Variants in SLC6A5 observed in about 807,000 individuals in gnomAD.
SLC6A5 encodes the protein solute carrier family 6 member 5.
A neutral mutation model predicts 90.5 loss-of-function variants in SLC6A5; 58 were observed. The ratio of observed to expected loss-of-function variants is 0.64; its 90% CI spans 0.52 to 0.80. SLC6A5 has a LOEUF of 0.80. SLC6A5 is among the 30% of genes least tolerant of loss of function. SLC6A5 has a pLI of 0.00. For synonymous variants in SLC6A5, 427 were observed against 401.4 expected, an observed-to-expected ratio of 1.06 and a Z score of -0.76; for missense variants, 1,015 against 1,017.6, an observed-to-expected ratio of 1.00 and a Z score of 0.03.
chr11:20,640,482 A>G (rs532614295), intron 13 of SLC6A5, among the ~76,000 whole-genome samples: 1 of 152,218 alleles, frequency 6.6e-6, no homozygotes, highest in African/African-American at 2.4e-5. Flanking sequence ...GGGCTATGTT[A>G]ATTTTCCTTG....
In SLC6A5 at chr11:20,656,637, T is replaced by C. The variant is rs1395910061; in HGVS notation, c.*1769T>C. On this transcript the variant is annotated 3_prime_UTR_variant, in exon 16 of 16. Coordinates refer to ENST00000525748, the MANE Select transcript of SLC6A5 (RefSeq NM_004211.5). Reference sequence around the variant, plus strand: ...TGAACTTCCAGTTTTTAAGAGTAGCTTGTGAAAGGTTTTAGAAAAGGAAAC... The same window carrying C: ...TGAACTTCCAGTTTTTAAGAGTAGCCTGTGAAAGGTTTTAGAAAAGGAAAC... 2 of 152,210 alleles carry C rather than the reference T, an allele frequency of 1.3e-5. No individual in the cohort carries two copies. The highest frequency in any genetic ancestry group is 4.8e-5 in the African/African-American group (2 of 41,440). 9.4% of individuals were successfully genotyped at this position (152,210 alleles called of 1,614,324 possible).
chr11:20,632,063 T>TA (rs999183291), intron 10 of SLC6A5, among the ~76,000 whole-genome samples: 1 of 152,088 alleles, frequency 6.6e-6, no homozygotes, highest in African/African-American at 2.4e-5. Context: ...CCCCAGGAGA[T>TA]AAGCAATGGC....
intron 1 of SLC6A5, among the ~76,000 whole-genome samples, chr11:20,600,363 GAA>G (rs1852439811): frequency 6.8e-6 from 1 of 146,886 alleles, no homozygotes; most frequent in Non-Finnish European, 1.5e-5. Flanking sequence ...AGAAGAAGAA[GAA>G]GAAGAAGAAG....
chr11:20,603,936 G>T (rs985605018), intron 2 of SLC6A5, among the ~76,000 whole-genome samples: 7 of 152,044 alleles, frequency 4.6e-5, no homozygotes, highest in African/African-American at 1.7e-4. Flanking sequence ...GGGATGGAGG[G>T]ACCTGCTTGC....
chr11:20,619,058 A>G (rs1436503396), intron 7 of SLC6A5, among the ~76,000 whole-genome samples: 1 of 152,154 alleles, frequency 6.6e-6, no homozygotes, highest in Non-Finnish European at 1.5e-5. Flanking sequence ...AGGTATTTGC[A>G]TGTTTTAGGA....
chr11:20,654,015 T>A (rs548915854), intron 15 of SLC6A5, among the ~76,000 whole-genome samples: 1 of 152,226 alleles, frequency 6.6e-6, no homozygotes, highest in African/African-American at 2.4e-5. Flanking sequence ...GTCAGAAATA[T>A]GTTTTCTTTC....
chr11:20,611,858 G>C (rs961131878), intron 5 of SLC6A5, among the ~76,000 whole-genome samples: 3 of 152,064 alleles, frequency 2.0e-5, no homozygotes, highest in Admixed American at 1.3e-4. Flanking sequence ...ACATGAGCGT[G>C]TTCTGTTCCT....
At chr11:20,617,334 A>C in intron 6 of SLC6A5, among the ~76,000 whole-genome samples, 1 of 152,374 alleles carries the variant, frequency 6.6e-6, no homozygotes. Context: ...TTAAAATTAA[A>C]ATCACACAAA....
Position 20,657,350 on chromosome 11 carries a change from A to C in SLC6A5, c.*2482A>C, listed in dbSNP as rs1853649884. 6.6e-6 allele frequency: 1 copy of C among 152,100 alleles called. No individual in the cohort carries two copies. Among genetic ancestry groups the C allele is most frequent in the South Asian group, 2.1e-4 (1 of 4,826 alleles). 9.4% of individuals were successfully genotyped at this position (152,100 alleles called of 1,614,324 possible). ...GGCATTTACATTTGTGTTAATTATG[A>C]TTTGTCCAGGTAAGATGCAGTAGCT... is the stretch of plus-strand genomic sequence containing the variant. On this transcript the variant is annotated 3_prime_UTR_variant, in exon 16 of 16. Coordinates refer to ENST00000525748, the MANE Select transcript of SLC6A5 (RefSeq NM_004211.5).
chr11:20,628,018 A>G lies in SLC6A5; in HGVS notation c.1434A>G (p.Leu478=). Residue 478 remains leucine, a synonymous_variant, in exon 9 of 16, where the codon TTA becomes TTG. Transcript: ENST00000525748. The stretch of plus-strand genomic sequence containing the variant: ...CTGCCACTCAGATTTTCTTCTCTTT[A>G]TCTGCTGCATGGGGAGGCCTGATCA... ...KDAATQIFFS[L]SAAWGGLITL... 1 of 1,614,014 alleles carries G rather than the reference A, an allele frequency of 6.2e-7. No individual in the cohort carries two copies. Among genetic ancestry groups the G allele is most frequent in the Non-Finnish European group, 8.5e-7 (1 of 1,179,992 alleles).
At chr11:20,637,069 TA>T in intron 11 of SLC6A5, 102 bp from the exon 12 acceptor site, 1 of 1,286,422 alleles carries the variant, frequency 7.8e-7, no homozygotes. Context: ...AAACCAAACC[TA>T]ACACAAATAC....
Position 20,657,042 on chromosome 11 carries a change from G to T in SLC6A5, c.*2174G>T, listed in dbSNP as rs1345833635. 6.6e-6 allele frequency: 1 copy of T among 152,172 alleles called. No individual in the cohort carries two copies. Among genetic ancestry groups the T allele is most frequent in the Non-Finnish European group, 1.5e-5 (1 of 68,034 alleles). The allele number at this position is 152,172 out of a possible 1,614,324, so 9.4% of individuals were successfully genotyped here. A position where few individuals can be genotyped will look rare whatever the true frequency, so the allele number is the denominator to read the frequency against. On this transcript the variant is annotated 3_prime_UTR_variant, in exon 16 of 16. Coordinates refer to ENST00000525748, the MANE Select transcript of SLC6A5 (RefSeq NM_004211.5). ...TGCAATTTGAAGGTTGAGAAAGAGA[G>T]CTTAAATCAATTAGCATTCTCTCAT...
At chr11:20,606,921 G>C in intron 3 of SLC6A5, 86 bp from the exon 4 acceptor site, 1 of 1,561,314 alleles carries the variant, frequency 6.4e-7, no homozygotes, top group Non-Finnish European at 8.8e-7. Context: ...CTTTGAGAGG[G>C]AGCTCAGCCC....
chr11:20,658,812 A>G lies in SLC6A5; in HGVS notation c.*3944A>G, dbSNP rs1050854120. ...CTTACAGGTGTATTTTACTGTTAGG[A>G]TGATTCTTAGTAATTGACTAAAAAC... On this transcript the variant is annotated 3_prime_UTR_variant, in exon 16 of 16. Coordinates refer to ENST00000525748, the MANE Select transcript of SLC6A5 (RefSeq NM_004211.5). 3.3e-5 allele frequency: 5 copies of G among 152,206 alleles called. No individual in the cohort carries two copies. Among genetic ancestry groups the G allele is most frequent in the Admixed American group, 2.6e-4 (4 of 15,290 alleles). 9.4% of individuals were successfully genotyped at this position (152,206 alleles called of 1,614,324 possible).
intron 11 of SLC6A5, among the ~76,000 whole-genome samples, chr11:20,636,736 T>C (rs1349904653): frequency 6.6e-6 from 1 of 152,176 alleles, no homozygotes; most frequent in Non-Finnish European, 1.5e-5. Flanking sequence ...TAAAGAATAA[T>C]GTGAAATCAA....
At chr11:20,641,494 AC>A (rs1240498281) in intron 13 of SLC6A5, among the ~76,000 whole-genome samples, 4 of 150,544 alleles carry the variant, frequency 2.7e-5, no homozygotes, top group African/African-American at 7.5e-5. Flanking sequence ...AAAGTACAAA[AC>A]CCCCCAAAAA....
At chr11:20,607,455 C>A (rs374770699) in intron 4 of SLC6A5, 24 bp from the exon 5 acceptor site, 5 of 1,613,796 alleles carry the variant, frequency 3.1e-6, no homozygotes, top group African/African-American at 2.7e-5. Context: ...ATGGAATGAA[C>A]CCCTGGAATT....
At chr11:20,627,753 A>T (rs951222214) in intron 8 of SLC6A5, among the ~76,000 whole-genome samples, 6 of 152,188 alleles carry the variant, frequency 3.9e-5, no homozygotes, top group African/African-American at 1.4e-4. Context: ...AGTGTAGTTT[A>T]TTGAGTTCCT....
chr11:20,614,620 C>T, intron 5 of SLC6A5, 59 bp from the exon 6 acceptor site: 1 of 1,532,586 alleles, frequency 6.5e-7, no homozygotes, highest in Non-Finnish European at 9.0e-7. Context: ...TGCAGAGAGA[C>T]AAATCTCTGT....
Sources: allele counts gnomAD v4.1 joint callset (sites outside exome capture counted in the v4.1 genomes callset), GRCh38; gene constraint gnomAD v4.1.1; transcripts MANE v1.5; gene names NCBI Gene and HGNC (gene_info 2026-07-23, HGNC 2026-07-21).